The following SLC4A10 variants were observed in gnomAD, a reference collection of about 807,000 sequenced individuals.
The protein encoded by SLC4A10 is sodium-driven chloride bicarbonate exchanger.
Under a neutral mutation model 137.7 loss-of-function variants are expected in SLC4A10, and 42 were observed. That is an observed-to-expected ratio of 0.30 (90% CI 0.24 to 0.39). The LOEUF is 0.39. Among genes scored for constraint, SLC4A10 ranks in the 10% least tolerant of loss-of-function variants. SLC4A10 has a pLI of 1.00. For synonymous variants in SLC4A10, 474 were observed against 464.1 expected, an observed-to-expected ratio of 1.02 and a Z score of -0.27; for missense variants, 925 against 1,355.0, an observed-to-expected ratio of 0.68 and a Z score of 4.98.
chr2:161,759,161 C>G (rs1243239679), intron 1 of SLC4A10, among the ~76,000 whole-genome samples: 1 of 151,836 alleles, frequency 6.6e-6, no homozygotes, highest in African/African-American at 2.4e-5. Context: ...TTCTCAGTTT[C>G]TGTTTTATCA....
chr2:161,968,505 A>G (rs1697984222), intron 23 of SLC4A10, among the ~76,000 whole-genome samples: 1 of 152,188 alleles, frequency 6.6e-6, no homozygotes, highest in African/African-American at 2.4e-5. Flanking sequence ...TTCCTGGGGC[A>G]ATTTTACTGC....
At chr2:161,710,452 C>T (rs2044154259) in intron 1 of SLC4A10, among the ~76,000 whole-genome samples, 1 of 151,458 alleles carries the variant, frequency 6.6e-6, no homozygotes, top group African/African-American at 2.4e-5. Context: ...ATGAGGATAT[C>T]GATAATTTTG....
chr2:161,667,521 G>A (rs1350618330), intron 1 of SLC4A10, among the ~76,000 whole-genome samples: 1 of 151,572 alleles, frequency 6.6e-6, no homozygotes, highest in African/African-American at 2.4e-5. Context: ...AGGGTGGGAT[G>A]GGAAGATACT....
chr2:161,897,752 G>T (rs1330585180), intron 11 of SLC4A10, among the ~76,000 whole-genome samples: 1 of 152,004 alleles, frequency 6.6e-6, no homozygotes, highest in Admixed American at 6.6e-5. Flanking sequence ...TGTACTTGTA[G>T]AATACATCTT....
At chr2:161,677,258 A>G (rs546600316) in intron 1 of SLC4A10, among the ~76,000 whole-genome samples, 1 of 152,236 alleles carries the variant, frequency 6.6e-6, no homozygotes, top group East Asian at 1.9e-4. Context: ...GCCTTCCACC[A>G]CAAGTGAAAG....
chr2:161,760,186 A>G (rs1053221439), intron 1 of SLC4A10, among the ~76,000 whole-genome samples: 1 of 151,776 alleles, frequency 6.6e-6, no homozygotes, highest in Admixed American at 6.6e-5. Context: ...ACCTTATGCA[A>G]TTTCAGTTTC....
intron 1 of SLC4A10, among the ~76,000 whole-genome samples, chr2:161,683,661 A>G (rs1435041251): frequency 6.6e-6 from 1 of 152,200 alleles, no homozygotes; most frequent in Non-Finnish European, 1.5e-5. Flanking sequence ...TTATAGTGTA[A>G]TGGCTCCAGT....
chr2:161,872,900 G>T (rs948607770), intron 7 of SLC4A10, among the ~76,000 whole-genome samples: 1 of 152,046 alleles, frequency 6.6e-6, no homozygotes, highest in African/African-American at 2.4e-5. Context: ...TTTTAGTAGA[G>T]ACGGGGTTTC....
At chr2:161,886,932 C>T (rs1390758599) in intron 10 of SLC4A10, among the ~76,000 whole-genome samples, 2 of 152,090 alleles carry the variant, frequency 1.3e-5, no homozygotes, top group East Asian at 3.9e-4. Flanking sequence ...CTAATGCTAT[C>T]TCTCCCCTAG....
At chr2:161,869,761 G>A (rs913561227) in intron 6 of SLC4A10, among the ~76,000 whole-genome samples, 4 of 151,532 alleles carry the variant, frequency 2.6e-5, no homozygotes, top group African/African-American at 7.2e-5. Context: ...CTTAAACTTC[G>A]CAGGACTTTT....
At chr2:161,882,545 C>G in intron 10 of SLC4A10, 101 bp downstream of exon 10, 1 of 636,292 alleles carries the variant, frequency 1.6e-6, no homozygotes, top group Non-Finnish European at 2.5e-6. Context: ...TCAGATTTCT[C>G]TGTATTGAAT....
chr2:161,864,782 G>C (rs62188764), intron 6 of SLC4A10, among the ~76,000 whole-genome samples: 8,038 of 152,094 alleles, frequency 0.053, 303 homozygotes, highest in Non-Finnish European at 0.072. Flanking sequence ...TAAAATATGT[G>C]ATACATAAGA....
intron 3 of SLC4A10, among the ~76,000 whole-genome samples, chr2:161,823,827 G>A (rs944454095): frequency 2.0e-5 from 3 of 152,150 alleles, no homozygotes; most frequent in African/African-American, 7.2e-5. Flanking sequence ...TGCCACAAAG[G>A]AAGAGAACAT....
Position 161,947,578 on chromosome 2 carries a change from T to C in SLC4A10, c.2116T>C (p.Leu706=), listed in dbSNP as rs200426546. ...ENLTVSECKS[L]HGEYVGRACG... is the part of the protein sequence containing the mutation. ...CTTCCTCTGGCAGGAATGCAAATCA[T>C]TGCATGGAGAGTATGTTGGACGGGC... Residue 706 remains leucine (L), a synonymous_variant, in exon 17 of 27, where the codon TTG becomes CTG. Transcript: ENST00000446997. The C allele has an allele frequency of 2.0e-5, 32 of 1,610,754 alleles. No homozygotes were observed. Among genetic ancestry groups the C allele is most frequent in the South Asian group, 3.3e-5 (3 of 90,370 alleles).
chr2:161,803,728 CT>C (rs1290053619), intron 2 of SLC4A10, among the ~76,000 whole-genome samples: 4 of 152,060 alleles, frequency 2.6e-5, no homozygotes, highest in African/African-American at 9.7e-5. Flanking sequence ...CCCACTTTAT[CT>C]GTAGAGGATA....
At chr2:161,726,968 A>C (rs1301586368) in intron 1 of SLC4A10, among the ~76,000 whole-genome samples, 2 of 152,230 alleles carry the variant, frequency 1.3e-5, no homozygotes, top group Non-Finnish European at 2.9e-5. Flanking sequence ...TTGGATTAAA[A>C]GTTAATCACA....
chr2:161,625,369 T>G (rs996593063), intron 1 of SLC4A10, among the ~76,000 whole-genome samples: 14 of 151,978 alleles, frequency 9.2e-5, no homozygotes, highest in Admixed American at 7.9e-4. Context: ...AGGCAACATC[T>G]TTTTCTGTCT....
chr2:161,786,100 C>A (rs2053593879), intron 2 of SLC4A10, among the ~76,000 whole-genome samples: 1 of 151,616 alleles, frequency 6.6e-6, no homozygotes, highest in African/African-American at 2.4e-5. Flanking sequence ...TCTGGGTGGT[C>A]AGGTATTGGG....
At chr2:161,635,355 AG>A (rs1262014591) in intron 1 of SLC4A10, among the ~76,000 whole-genome samples, 15 of 152,088 alleles carry the variant, frequency 9.9e-5, no homozygotes, top group Admixed American at 9.8e-4. Flanking sequence ...TTTCTGCTAA[AG>A]CTTTGGCTAA....
Sources: gnomAD v4.1 joint callset for allele counts (sites outside exome capture counted in the v4.1 genomes callset) on GRCh38, gnomAD v4.1.1 for gene constraint, MANE v1.5 for transcripts, NCBI Gene and HGNC (gene_info 2026-07-23, HGNC 2026-07-21) for gene names.